The following APBB2 variants were observed in gnomAD, a reference collection of about 807,000 sequenced individuals.
APBB2 encodes amyloid beta precursor protein binding family B member 2.
APBB2 carries 38 observed loss-of-function variants against 82.5 expected under a neutral mutation model. The observed-to-expected ratio is 0.46, with a 90% CI of 0.36 to 0.60. The LOEUF (loss-of-function observed/expected upper bound fraction) is 0.60. Ranked by LOEUF, APBB2 falls within the 20% of genes least tolerant of loss-of-function variation. The pLI is 0.00. For synonymous variants in APBB2, 341 were observed against 368.2 expected, an observed-to-expected ratio of 0.93 and a Z score of 0.85; for missense variants, 772 against 972.3, an observed-to-expected ratio of 0.79 and a Z score of 2.74.
intron 10 of APBB2, among the ~76,000 whole-genome samples, chr4:40,897,977 C>A (rs1774174631): frequency 6.6e-6 from 1 of 152,098 alleles, no homozygotes; most frequent in Non-Finnish European, 1.5e-5. Context: ...TTGACTTATG[C>A]CCATTCTTCA....
intron 1 of APBB2, among the ~76,000 whole-genome samples, chr4:41,164,638 T>C (rs1235737918): frequency 6.6e-6 from 1 of 152,202 alleles, no homozygotes; most frequent in Non-Finnish European, 1.5e-5. Context: ...CTTATATAGA[T>C]TGCCTGAAAA....
intron 12 of APBB2, among the ~76,000 whole-genome samples, chr4:40,859,296 T>TTG (rs1307804788): frequency 3.3e-5 from 5 of 151,944 alleles, no homozygotes; most frequent in African/African-American, 1.2e-4. Flanking sequence ...CATTTTTTTT[T>TTG]TTTTTTTGAG....
intron 1 of APBB2, among the ~76,000 whole-genome samples, chr4:41,186,450 C>T (rs1266934880): frequency 6.6e-6 from 1 of 152,142 alleles, no homozygotes; most frequent in East Asian, 1.9e-4. Flanking sequence ...CAGCTAAGAC[C>T]TTCGGTTCTC....
intron 3 of APBB2, among the ~76,000 whole-genome samples, chr4:41,091,998 G>A (rs914955780): frequency 6.6e-6 from 1 of 152,164 alleles, no homozygotes; most frequent in Non-Finnish European, 1.5e-5. Flanking sequence ...TAAAGGGCCA[G>A]GCAGGAATCC....
At chr4:41,009,944 C>T (rs1807856017) in intron 6 of APBB2, among the ~76,000 whole-genome samples, 1 of 152,144 alleles carries the variant, frequency 6.6e-6, no homozygotes, top group African/African-American at 2.4e-5. Context: ...TAAACACTAA[C>T]AGTATGTTTC....
intron 1 of APBB2, among the ~76,000 whole-genome samples, chr4:41,192,596 A>G: frequency 6.6e-6 from 1 of 152,210 alleles, no homozygotes; most frequent in African/African-American, 2.4e-5. Context: ...AAAATTTAAT[A>G]TCAAACATAC....
At chr4:40,936,719 C>T (rs890542831) in intron 7 of APBB2, among the ~76,000 whole-genome samples, 2 of 152,198 alleles carry the variant, frequency 1.3e-5, no homozygotes, top group Admixed American at 6.5e-5. Context: ...ACTATATTTA[C>T]TTTTAAAAAA....
In APBB2 at chr4:40,994,249, T is replaced by C. The variant is rs561785915; in HGVS notation, c.835+19334A>G. Reference sequence around the variant, plus strand: ...TTGCAGTGAGCCGAGATCGCGCCACTGCACTCCAGCCTGGGCAACAGAGCA... The same window carrying C: ...TTGCAGTGAGCCGAGATCGCGCCACCGCACTCCAGCCTGGGCAACAGAGCA... On this transcript the variant is annotated intron_variant, in intron 6 of 17. Transcript: ENST00000508593. Among the ~76,000 whole-genome samples, 24 of 148,800 alleles carry C rather than the reference T, an allele frequency of 1.6e-4. No individual in the cohort carries two copies. The East Asian group carries it at 4.8e-3, about 30-fold the overall frequency.
At chr4:41,208,473 G>T (rs1160317623) in intron 1 of APBB2, among the ~76,000 whole-genome samples, 1 of 152,110 alleles carries the variant, frequency 6.6e-6, no homozygotes. Context: ...TGTTGGCCAG[G>T]CTGGTCTCAA....
At chr4:40,869,290 G>T (rs1382084591) in intron 12 of APBB2, among the ~76,000 whole-genome samples, 1 of 152,134 alleles carries the variant, frequency 6.6e-6, no homozygotes, top group Non-Finnish European at 1.5e-5. Flanking sequence ...CTAGCCCTAG[G>T]ATTAAAATGG....
chr4:41,171,684 G>A (rs9985619), intron 1 of APBB2, among the ~76,000 whole-genome samples: 111 of 152,314 alleles, frequency 7.3e-4, no homozygotes, highest in African/African-American at 2.3e-3. Context: ...AGGGCTGGGC[G>A]CGGTGGCTCA....
intron 12 of APBB2, among the ~76,000 whole-genome samples, chr4:40,885,927 T>C (rs1039199361): frequency 5.9e-5 from 9 of 152,300 alleles, no homozygotes; most frequent in African/African-American, 1.7e-4. Flanking sequence ...CAAGTGACTA[T>C]AGAATCTTTT....
At chr4:41,087,972 G>A (rs1445253280) in intron 3 of APBB2, among the ~76,000 whole-genome samples, 9 of 152,232 alleles carry the variant, frequency 5.9e-5, no homozygotes, top group South Asian at 4.1e-4. Context: ...AAACCAAGTC[G>A]GTGTTAAGAA....
At chr4:41,037,652 T>C (rs1364182630) in intron 4 of APBB2, among the ~76,000 whole-genome samples, 1 of 152,118 alleles carries the variant, frequency 6.6e-6, no homozygotes, top group Non-Finnish European at 1.5e-5. Context: ...CTAGAAAATT[T>C]TAAATTACTT....
At chr4:41,009,753 C>A (rs1807795241) in intron 6 of APBB2, among the ~76,000 whole-genome samples, 1 of 152,118 alleles carries the variant, frequency 6.6e-6, no homozygotes, top group Non-Finnish European at 1.5e-5. Context: ...GCATGGCATA[C>A]TAAGATGTCA....
chr4:40,825,860 T>C (rs372639556), intron 15 of APBB2, 27 bp downstream of exon 15: 8 of 1,602,206 alleles, frequency 5.0e-6, no homozygotes, highest in African/African-American at 1.3e-5. Flanking sequence ...ACTTGCAAAG[T>C]GGAAAGACAA....
intron 6 of APBB2, among the ~76,000 whole-genome samples, chr4:40,963,881 A>G (rs1793932011): frequency 1.3e-5 from 2 of 152,224 alleles, no homozygotes; most frequent in South Asian, 2.1e-4. Flanking sequence ...AACTGAGTGC[A>G]TTTACCCTTC....
intron 6 of APBB2, 94 bp downstream of exon 6, chr4:41,013,489 T>C (rs1047563319): frequency 5.0e-6 from 6 of 1,204,480 alleles, no homozygotes; most frequent in African/African-American, 3.1e-5. Flanking sequence ...CTCTGCATAA[T>C]GGACATTTTT....
chr4:41,051,886 C>A (rs1399523645), intron 4 of APBB2, among the ~76,000 whole-genome samples: 1 of 152,134 alleles, frequency 6.6e-6, no homozygotes, highest in Non-Finnish European at 1.5e-5. Context: ...GGTAAGTCAG[C>A]TAACCTCCGT....
Sources: gnomAD v4.1 joint callset for allele counts (sites outside exome capture counted in the v4.1 genomes callset) on GRCh38, gnomAD v4.1.1 for gene constraint, MANE v1.5 for transcripts, NCBI Gene and HGNC (gene_info 2026-07-23, HGNC 2026-07-21) for gene names.